SRSF4: variants seen among roughly 807,000 people sequenced by gnomAD.
SRSF4 encodes serine/arginine-rich splicing factor 4.
SRSF4 carries 12 observed loss-of-function variants against 48.8 expected under a neutral mutation model. That is an observed-to-expected ratio of 0.25 (90% confidence interval 0.16 to 0.40). SRSF4 has a LOEUF of 0.40. SRSF4 is among the 10% of genes least tolerant of loss of function. The pLI is 1.00. For missense variants in SRSF4, 466 were observed against 667.1 expected (o/e 0.70, Z 3.32); for synonymous variants, 248 against 232.5 (o/e 1.07, Z -0.61).
chr1:29,153,282 C>T (rs1163029150), intron 4 of SRSF4, among the ~76,000 whole-genome samples: 1 of 151,906 alleles, frequency 6.6e-6, no homozygotes, highest in Non-Finnish European at 1.5e-5. Flanking sequence ...GGACCACAGG[C>T]GTGTGCCATC....
At chr1:29,161,884 C>T (rs1052576964) in intron 1 of SRSF4, among the ~76,000 whole-genome samples, 3 of 152,214 alleles carry the variant, frequency 2.0e-5, no homozygotes, top group East Asian at 1.9e-4. Flanking sequence ...TGAGCCACTG[C>T]GCCCGGCCTC....
In SRSF4 at chr1:29,148,324, A is replaced by C. The variant is rs937011400; in HGVS notation, c.*86T>G. The C allele has an allele frequency of 6.7e-7, 1 of 1,502,780 alleles. No homozygotes were observed. Among genetic ancestry groups the C allele is most frequent in the African/African-American group, 1.4e-5 (1 of 72,156 alleles). 93.1% of individuals were successfully genotyped at this position (1,502,780 alleles called of 1,614,324 possible). A position where few individuals can be genotyped will look rare whatever the true frequency, so the allele number is the denominator to read the frequency against. ...GGGGAGTTAAAAATGTACAGCAGTG[A>C]CATGTTCTACTCCAATCACTTGTGC... On this transcript the variant is annotated 3_prime_UTR_variant, in exon 6 of 6. Coordinates refer to ENST00000373795, the MANE Select transcript of SRSF4 (RefSeq NM_005626.5).
At chr1:29,179,182 C>A (rs530508910) in intron 1 of SRSF4, among the ~76,000 whole-genome samples, 1 of 152,114 alleles carries the variant, frequency 6.6e-6, no homozygotes, top group South Asian at 2.1e-4. Flanking sequence ...AGTGTAAAAT[C>A]TAATAGTCGT....
At chr1:29,167,494 C>A (rs1672684496) in intron 1 of SRSF4, among the ~76,000 whole-genome samples, 1 of 152,252 alleles carries the variant, frequency 6.6e-6, no homozygotes, top group Non-Finnish European at 1.5e-5. Flanking sequence ...AAGCAGTTCT[C>A]CTGCCTCAGC....
rs760718825 is a variant in SRSF4, at chr1:29,148,612, C to T, written c.1283G>A (p.Arg428Gln). 15 of 1,614,070 alleles carry T rather than the reference C, an allele frequency of 9.3e-6. No individual in the cohort carries two copies. The highest frequency in any genetic ancestry group is 1.7e-4 in the Middle Eastern group (1 of 6,060). ...AKSESSQREG[R>Q]GESENAGTNQ... is the part of the protein sequence containing the mutation. ...GGTGCCAGCATTCTCACTCTCTCCT[C>T]GACCTTCCCTCTGGCTGGATTCAGA... The change falls in exon 6 of 6, where the codon CGA (arginine) becomes CAA (glutamine). Residue 428 changes from arginine (R) to glutamine (Q), a missense_variant. Around this residue, in one of 2 missense-constraint regions of SRSF4, gnomAD observed 402 missense variants for 437.0 expected, o/e 0.92. Coordinates refer to ENST00000373795, the MANE Select transcript of SRSF4 (RefSeq NM_005626.5).
chr1:29,163,353 AAGTTC>A (rs1351958835), intron 1 of SRSF4, among the ~76,000 whole-genome samples: 3 of 152,218 alleles, frequency 2.0e-5, no homozygotes, highest in Non-Finnish European at 4.4e-5. Flanking sequence ...AAACATATCA[AAGTTC>A]AGTTCAAGGA....
rs1558384859 is a variant in SRSF4 at position 29,148,037 on chromosome 1, G to A, written c.*373C>T. 6.3e-6 allele frequency: 3 copies of A among 473,658 alleles called. No homozygotes were observed. Among genetic ancestry groups the A allele is most frequent in the Non-Finnish European group, 1.3e-5 (3 of 238,926 alleles). The allele number at this position is 473,658 out of a possible 1,614,324, so 29.3% of individuals were successfully genotyped here. ...TTCACTAAATGGCATACATCGAAGG[G>A]CATCAATTCAAGAGCAAAAATGGTT... On this transcript the variant is annotated 3_prime_UTR_variant, in exon 6 of 6. Transcript: ENST00000373795.
At chr1:29,178,617 A>G (rs528246650) in intron 1 of SRSF4, among the ~76,000 whole-genome samples, 75 of 151,902 alleles carry the variant, frequency 4.9e-4, no homozygotes, top group African/African-American at 1.7e-3. Context: ...CGGCCTCCCA[A>G]AGTGCTGGGA....
At chr1:29,155,881 G>A (rs1289815835) in intron 3 of SRSF4, among the ~76,000 whole-genome samples, 2 of 152,054 alleles carry the variant, frequency 1.3e-5, no homozygotes, top group African/African-American at 4.8e-5. Flanking sequence ...TTCTCTTTGA[G>A]GACTTCCTAT....
In SRSF4 at chr1:29,159,479, A is replaced by G. The variant is rs866668154; in HGVS notation, c.258T>C (p.Tyr86=). Residue 86 remains tyrosine, a synonymous_variant, in exon 3 of 6, where the codon TAT becomes TAC. Transcript: ENST00000373795. ...TATCTCGGCCACTTCTTCTATAACC[A>G]TATCCACCTTTGGAAGGTTCAAATA... ...DGSYGSGRSG[Y]GYRRSGRDKY... The G allele has an allele frequency of 6.2e-7, 1 of 1,612,054 alleles. No homozygotes were observed.
chr1:29,153,606 T>C (rs1324281513), intron 4 of SRSF4, among the ~76,000 whole-genome samples: 1 of 151,750 alleles, frequency 6.6e-6, no homozygotes, highest in Admixed American at 6.6e-5. Context: ...TTCCATTTTT[T>C]TTTTTTTTTT....
intron 1 of SRSF4, chr1:29,170,202 C>T (rs1427137424): frequency 3.3e-5 from 5 of 152,192 alleles, no homozygotes; most frequent in Non-Finnish European, 5.9e-5. Context: ...CAACTATTGC[C>T]TGATGACAAG....
chr1:29,181,847 C>G lies in SRSF4; in HGVS notation c.-95G>C. On this transcript the variant is annotated 5_prime_UTR_variant, in exon 1 of 6. Transcript: ENST00000373795. ...ACGGCGGCAGCGGCGGCGGCGGCAA[C>G]GGGCGGGCGGCGGGACGGACGCAGC... is the stretch of plus-strand genomic sequence containing the variant. 9.5e-7 allele frequency: 1 copy of G among 1,057,316 alleles called. No homozygotes were observed. Among genetic ancestry groups the G allele is most frequent in the Non-Finnish European group, 1.2e-6 (1 of 801,116 alleles). The allele number at this position is 1,057,316 out of a possible 1,614,324, so 65.5% of individuals were successfully genotyped here. A position where few individuals can be genotyped will look rare whatever the true frequency, so the allele number is the denominator to read the frequency against.
chr1:29,161,369 G>C lies in SRSF4; in HGVS notation c.108-852C>G, dbSNP rs1180896693. Among the ~76,000 whole-genome samples the C allele has an allele frequency of 2.8e-5, 4 of 142,534 alleles. No individual in the cohort carries two copies. The Admixed American group carries it at 2.9e-4, about 10-fold the overall frequency. 93.5% of individuals were successfully genotyped at this position (142,534 alleles called of 152,430 possible). Reference sequence around the variant, plus strand: ...GTCTGACACAGCTGTGAAAAGTCCAGCTTTGTGACCATTGCCTATATTTAA... The same window carrying C: ...GTCTGACACAGCTGTGAAAAGTCCACCTTTGTGACCATTGCCTATATTTAA... On this transcript the variant is annotated intron_variant, in intron 1 of 5. Coordinates refer to ENST00000373795, the MANE Select transcript of SRSF4 (RefSeq NM_005626.5).
intron 1 of SRSF4, among the ~76,000 whole-genome samples, chr1:29,180,222 T>C (rs1672934104): frequency 1.3e-5 from 2 of 152,208 alleles, no homozygotes; most frequent in Admixed American, 1.3e-4. Flanking sequence ...CAAAAGTTAG[T>C]TATGCTGTCA....
chr1:29,162,835 C>T (rs1349378959), intron 1 of SRSF4, among the ~76,000 whole-genome samples: 2 of 152,160 alleles, frequency 1.3e-5, no homozygotes, highest in Non-Finnish European at 2.9e-5. Flanking sequence ...AACTACTGGG[C>T]AGAGGGGGTG....
intron 3 of SRSF4, among the ~76,000 whole-genome samples, chr1:29,156,051 G>C (rs1213098057): frequency 6.6e-6 from 1 of 152,100 alleles, no homozygotes; most frequent in African/African-American, 2.4e-5. Flanking sequence ...AAACAAAACA[G>C]AACAAAAAGA....
chr1:29,162,128 T>C (rs1672606556), intron 1 of SRSF4, among the ~76,000 whole-genome samples: 1 of 152,294 alleles, frequency 6.6e-6, no homozygotes, highest in Non-Finnish European at 1.5e-5. Flanking sequence ...CACACCCGGT[T>C]ATTTAACAGG....
In SRSF4 at chr1:29,175,724, T is replaced by A. The variant is rs796512755; in HGVS notation, c.107+5922A>T. Among the ~76,000 whole-genome samples, 358 of 91,106 alleles carry A rather than the reference T, an allele frequency of 3.9e-3. 2 individuals are homozygous for A. Among genetic ancestry groups the A allele is most frequent in the Middle Eastern group, 0.021 (3 of 140 alleles). 59.8% of individuals were successfully genotyped at this position (91,106 alleles called of 152,430 possible). A position where few individuals can be genotyped will look rare whatever the true frequency, so the allele number is the denominator to read the frequency against. On this transcript the variant is annotated intron_variant, in intron 1 of 5. Transcript: ENST00000373795. Reference sequence around the variant, plus strand: ...AAAAAAAAAAAAAAAAAAAAAAAAATTTCCAATTATAAATATGTGCTACTT... The same window carrying A: ...AAAAAAAAAAAAAAAAAAAAAAAAAATTCCAATTATAAATATGTGCTACTT...
Sources: gnomAD v4.1 joint callset for allele counts (sites outside exome capture counted in the v4.1 genomes callset) on GRCh38, gnomAD v4.1.1 for gene constraint, gnomAD v4.1.1 regional missense constraint, MANE v1.5 for transcripts, NCBI Gene and HGNC (gene_info 2026-07-23, HGNC 2026-07-21) for gene names.